The following ATRNL1 variants were observed in gnomAD, a reference collection of about 807,000 sequenced individuals.
The protein encoded by ATRNL1 is attractin like 1, also known as attractin-like protein 1.
In ATRNL1, 95 loss-of-function variants were observed where a neutral mutation model predicts 182.7. That is an observed-to-expected ratio of 0.52 (90% CI 0.44 to 0.62). The LOEUF is 0.62. Ranked by LOEUF, ATRNL1 falls within the 20% of genes least tolerant of loss-of-function variation. The pLI, the probability that ATRNL1 is intolerant of heterozygous loss-of-function variation, is 0.00. For missense variants in ATRNL1, 1,471 were observed against 1,679.5 expected (o/e 0.88, Z 2.17); for synonymous variants, 576 against 568.3 (o/e 1.01, Z -0.19).
At chr10:115,745,054 C>T (rs1469911210) in intron 27 of ATRNL1, among the ~76,000 whole-genome samples, 1 of 152,078 alleles carries the variant, frequency 6.6e-6, no homozygotes, top group Non-Finnish European at 1.5e-5. Context: ...AAGCCCATCA[C>T]TCTGCCCCAA....
chr10:115,223,929 ATTTT>A (rs1223695295), intron 9 of ATRNL1, among the ~76,000 whole-genome samples: 693 of 44,744 alleles, frequency 0.015, 6 homozygotes, highest in African/African-American at 0.058. Flanking sequence ...ATATATATAT[ATTTT>A]TTTTTTTTTT....
chr10:115,770,432 C>G (rs1255634119), intron 27 of ATRNL1, among the ~76,000 whole-genome samples: 1 of 152,042 alleles, frequency 6.6e-6, no homozygotes, highest in Non-Finnish European at 1.5e-5. Flanking sequence ...AGCTACTTTT[C>G]AGAAGAAAAA....
At chr10:115,679,964 C>T (rs1414692815) in intron 26 of ATRNL1, among the ~76,000 whole-genome samples, 6 of 152,096 alleles carry the variant, frequency 3.9e-5, no homozygotes, top group African/African-American at 1.4e-4. Flanking sequence ...AGAACTTAAA[C>T]ACATGAGATA....
intron 5 of ATRNL1, among the ~76,000 whole-genome samples, chr10:115,144,311 C>T (rs782252346): frequency 6.6e-5 from 10 of 152,066 alleles, no homozygotes; most frequent in Non-Finnish European, 8.8e-5. Context: ...CCATGCCCGT[C>T]TAATTTTTTG....
In ATRNL1 at chr10:115,476,538, T is replaced by G. The variant is rs1565084029; in HGVS notation, c.3654+7209T>G. Reference sequence around the variant, plus strand: ...GTTTCTTTTTTTAATATTGTCAGATTTTCTTCTTGTTTTTTGAAATTGTAG... The same window carrying G: ...GTTTCTTTTTTTAATATTGTCAGATGTTCTTCTTGTTTTTTGAAATTGTAG... On this transcript the variant is annotated intron_variant, in intron 24 of 28. Transcript: ENST00000355044. 2.0e-5 allele frequency among the ~76,000 whole-genome samples: 3 copies of G among 151,464 alleles called. No homozygotes were observed. The East Asian group carries it at 5.8e-4, about 30-fold the overall frequency.
At position 115,465,792 on chromosome 10, in the gene ATRNL1, A is replaced by T. The variant is rs576299991; in HGVS notation, c.3418-1382A>T. 2.0e-5 allele frequency among the ~76,000 whole-genome samples: 3 copies of T among 151,652 alleles called. No homozygotes were observed. The East Asian group carries it at 5.8e-4, about 29-fold the overall frequency. On this transcript the variant is annotated intron_variant, in intron 22 of 28. Transcript: ENST00000355044. ...AATATTACTATGTACTACTCTAAAA[A>T]TATGCATGACAATCACTCAACCTTA...
chr10:115,429,260 C>T (rs1333576734), intron 21 of ATRNL1, among the ~76,000 whole-genome samples: 1 of 151,948 alleles, frequency 6.6e-6, no homozygotes, highest in African/African-American at 2.4e-5. Context: ...GTATATTGAT[C>T]TTATATTCAT....
chr10:115,660,259 C>A (rs539208289), intron 26 of ATRNL1, among the ~76,000 whole-genome samples: 1 of 151,980 alleles, frequency 6.6e-6, no homozygotes, highest in Admixed American at 6.6e-5. Context: ...ATTCTAAAGA[C>A]GGTGGGAGAT....
intron 9 of ATRNL1, 146 bp from the exon 10 acceptor site, chr10:115,241,425 C>A: frequency 2.2e-6 from 1 of 447,458 alleles, no homozygotes; most frequent in Non-Finnish European, 3.8e-6. Context: ...GTTTAGAGGT[C>A]ATTTATAAAT....
At chr10:115,122,715 A>G (rs1464016538) in intron 3 of ATRNL1, among the ~76,000 whole-genome samples, 1 of 152,076 alleles carries the variant, frequency 6.6e-6, no homozygotes, top group Non-Finnish European at 1.5e-5. Context: ...ATTTTGGACA[A>G]AAATGTAACG....
intron 18 of ATRNL1, among the ~76,000 whole-genome samples, chr10:115,324,356 A>G (rs1259504196): frequency 1.3e-5 from 2 of 152,140 alleles, no homozygotes; most frequent in Admixed American, 6.5e-5. Flanking sequence ...AATAGTTGTG[A>G]TAGAGACTGT....
intron 28 of ATRNL1, among the ~76,000 whole-genome samples, chr10:115,873,086 A>T (rs1951621737): frequency 6.6e-6 from 1 of 151,984 alleles, no homozygotes. Flanking sequence ...ATAGCTGAGC[A>T]TAATCAGTTG....
chr10:115,224,349 C>A (rs1554898160), intron 9 of ATRNL1, among the ~76,000 whole-genome samples: 1 of 151,884 alleles, frequency 6.6e-6, no homozygotes, highest in African/African-American at 2.4e-5. Context: ...GATCTAAATG[C>A]ATTTATTAGA....
At chr10:115,541,499 A>C (rs1019183023) in intron 25 of ATRNL1, among the ~76,000 whole-genome samples, 13 of 152,212 alleles carry the variant, frequency 8.5e-5, no homozygotes, top group Admixed American at 2.6e-4. Flanking sequence ...TTATATTCTA[A>C]AGTTGAATTT....
intron 5 of ATRNL1, among the ~76,000 whole-genome samples, chr10:115,151,451 T>C (rs1846224181): frequency 1.3e-5 from 2 of 152,374 alleles, no homozygotes; most frequent in Admixed American, 6.5e-5. Context: ...GTGGTTTTGA[T>C]TTGCATTTCT....
chr10:115,891,464 A>T (rs771427846), intron 28 of ATRNL1, among the ~76,000 whole-genome samples: 3 of 152,214 alleles, frequency 2.0e-5, no homozygotes, highest in Non-Finnish European at 2.9e-5. Context: ...CCAAGCAAAC[A>T]TTTCATGTGA....
At chr10:115,147,820 A>G (rs1478273090) in intron 5 of ATRNL1, among the ~76,000 whole-genome samples, 1 of 152,052 alleles carries the variant, frequency 6.6e-6, no homozygotes, top group Non-Finnish European at 1.5e-5. Context: ...ATTGATCTAT[A>G]TGTCTGGTTT....
chr10:115,177,827 A>G (rs1554887035), intron 8 of ATRNL1, among the ~76,000 whole-genome samples: 2 of 151,388 alleles, frequency 1.3e-5, no homozygotes, highest in African/African-American at 4.9e-5. Flanking sequence ...TACTTAAGAA[A>G]ATAGCTAGTG....
At chr10:115,776,239 C>A (rs1392447816) in intron 27 of ATRNL1, among the ~76,000 whole-genome samples, 3 of 152,150 alleles carry the variant, frequency 2.0e-5, no homozygotes, top group Non-Finnish European at 4.4e-5. Context: ...CCAAAGTAGA[C>A]CTTGGCCTCC....
Sources: allele counts gnomAD v4.1 joint callset (sites outside exome capture counted in the v4.1 genomes callset), GRCh38; gene constraint gnomAD v4.1.1; transcripts MANE v1.5; gene names NCBI Gene and HGNC (gene_info 2026-07-23, HGNC 2026-07-21).